The following TENM2 variants were observed in gnomAD, a reference collection of about 807,000 sequenced individuals.
The protein encoded by TENM2 is teneurin transmembrane protein 2.
Under a neutral mutation model 245.2 loss-of-function variants are expected in TENM2, and 52 were observed. The observed-to-expected ratio is 0.21, with a 90% CI of 0.17 to 0.27. TENM2 has a LOEUF of 0.27. Among genes scored for constraint, TENM2 ranks in the 10% least tolerant of loss-of-function variants. The pLI is 1.00. For synonymous variants in TENM2, 1,363 were observed against 1,438.9 expected (o/e 0.95, Z 1.19); for missense variants, 3,046 against 3,666.8 (o/e 0.83, Z 4.37).
intron 13 of TENM2, among the ~76,000 whole-genome samples, chr5:168,177,838 C>A (rs4373298): frequency 0.66 from 99,704 of 152,060 alleles, 33,085 homozygotes; most frequent in East Asian, 0.84. Flanking sequence ...CCTCATCTCT[C>A]AAAATAAATA....
At position 168,147,386 on chromosome 5, in the gene TENM2, G is replaced by A. The variant is rs114527780; in HGVS notation, c.2423-15225G>A. 4.8e-3 allele frequency among the ~76,000 whole-genome samples: 731 copies of A among 152,284 alleles called. 7 individuals carry two copies. The highest frequency in any genetic ancestry group is 0.017 in the African/African-American group (698 of 41,564). Reference sequence around the variant, plus strand: ...ACACAGTAGCATATTTTGCACGGACGTTTAATTTGCTTCACACCACGGCCT... The same window carrying A: ...ACACAGTAGCATATTTTGCACGGACATTTAATTTGCTTCACACCACGGCCT... On this transcript the variant is annotated intron_variant, in intron 12 of 28. Transcript: ENST00000518659.
the TENM2 span, among the ~76,000 whole-genome samples, chr5:167,149,916 G>A: frequency 6.6e-6 from 1 of 152,134 alleles, no homozygotes; most frequent in East Asian, 1.9e-4. Flanking sequence ...CATATCCTCA[G>A]TGCTTGAAGG....
At chr5:167,769,632 A>T (rs2150757038) in intron 2 of TENM2, among the ~76,000 whole-genome samples, 1 of 152,318 alleles carries the variant, frequency 6.6e-6, no homozygotes, top group South Asian at 2.1e-4. Context: ...ATCGTATTCC[A>T]TTCAAAGGTA....
chr5:166,989,418 C>T, the TENM2 span, among the ~76,000 whole-genome samples: 1 of 151,802 alleles, frequency 6.6e-6, no homozygotes, highest in Admixed American at 6.6e-5. Flanking sequence ...CACCATTATG[C>T]CCAGCTAATT....
chr5:167,882,899 G>A (rs1440419593), intron 3 of TENM2, among the ~76,000 whole-genome samples: 1 of 152,134 alleles, frequency 6.6e-6, no homozygotes, highest in African/African-American at 2.4e-5. Context: ...TGGCTTAAAA[G>A]GCCTCTAAGC....
chr5:167,969,995 G>T (rs1313871279), intron 4 of TENM2, among the ~76,000 whole-genome samples: 1 of 152,162 alleles, frequency 6.6e-6, no homozygotes, highest in Non-Finnish European at 1.5e-5. Flanking sequence ...GGGCTGGCAG[G>T]CAAAAGCCAC....
the TENM2 span, among the ~76,000 whole-genome samples, chr5:167,179,354 A>G: frequency 1.3e-5 from 2 of 152,236 alleles, no homozygotes; most frequent in African/African-American, 4.8e-5. Flanking sequence ...GAGAGAAGTA[A>G]AAGACAGATT....
chr5:168,262,843 G>C, exon 29 of TENM2: 1 of 1,543,090 alleles, frequency 6.5e-7, no homozygotes, highest in South Asian at 1.3e-5. Flanking sequence ...TTGTCTGAAT[G>C]GCTCAGCAGG....
exon 1 of TENM2, chr5:167,284,829 T>A (rs1771242954): frequency 3.2e-6 from 5 of 1,547,144 alleles, no homozygotes; most frequent in Non-Finnish European, 4.4e-6. Context: ...TTCTGCCATA[T>A]CTGGAATAAT....
chr5:167,975,532 C>T (rs1405142310), intron 4 of TENM2, among the ~76,000 whole-genome samples: 1 of 151,726 alleles, frequency 6.6e-6, no homozygotes, highest in South Asian at 2.1e-4. Context: ...TACAAACACA[C>T]TTAAATGGCA....
At chr5:168,122,226 G>C (rs966798690) in intron 10 of TENM2, among the ~76,000 whole-genome samples, 16 of 152,206 alleles carry the variant, frequency 1.1e-4, no homozygotes, top group African/African-American at 2.9e-4. Flanking sequence ...ACCCAGGCTG[G>C]GGTGCAGTGG....
intron 1 of TENM2, among the ~76,000 whole-genome samples, chr5:167,353,262 A>G (rs1261899106): frequency 6.7e-6 from 1 of 149,040 alleles, no homozygotes; most frequent in Admixed American, 6.8e-5. Context: ...TAAAAAAGGG[A>G]TAAATGGTGC....
At chr5:167,635,834 C>CG (rs1159900026) in intron 2 of TENM2, among the ~76,000 whole-genome samples, 59 of 151,570 alleles carry the variant, frequency 3.9e-4, no homozygotes, top group Admixed American at 1.8e-3. Context: ...TTAGTAGAGA[C>CG]GGGGTTTCAC....
chr5:167,630,043 C>A (rs1778763052), intron 2 of TENM2, among the ~76,000 whole-genome samples: 1 of 152,036 alleles, frequency 6.6e-6, no homozygotes, highest in Admixed American at 6.6e-5. Context: ...CAGTACCAAA[C>A]CCTATATGTA....
rs562254609 is a variant in TENM2, at chr5:167,591,965, G to C, written c.502+216492G>C. 1.4e-4 allele frequency among the ~76,000 whole-genome samples: 21 copies of C among 152,282 alleles called. No individual in the cohort carries two copies. In the East Asian group the frequency reaches 3.3e-3, roughly 24 times the overall value. ...GTGTAAGCATCAAAATAAAATAGGA[G>C]AACTGGAAAATACAGTGAGGGAGCT... On this transcript the variant is annotated intron_variant, in intron 2 of 28. Coordinates refer to ENST00000518659, the Ensembl canonical transcript of TENM2.
chr5:166,987,744 A>T, the TENM2 span, among the ~76,000 whole-genome samples: 66 of 152,212 alleles, frequency 4.3e-4, 1 homozygote, highest in Middle Eastern at 3.4e-3. Context: ...AAATGACTCC[A>T]TGCCCCCAAG....
At chr5:167,725,196 AG>A (rs1759908356) in intron 2 of TENM2, among the ~76,000 whole-genome samples, 1 of 152,144 alleles carries the variant, frequency 6.6e-6, no homozygotes, top group South Asian at 2.1e-4. Context: ...AATGTGGTCA[AG>A]TGTTTTCCCC....
At chr5:168,102,226 A>C (rs1793878605) in intron 9 of TENM2, among the ~76,000 whole-genome samples, 1 of 152,102 alleles carries the variant, frequency 6.6e-6, no homozygotes, top group Non-Finnish European at 1.5e-5. Context: ...GGCATGTGCC[A>C]CCATGAATGG....
chr5:168,216,871 C>A (rs1351603850), exon 22 of TENM2: 2 of 1,613,872 alleles, frequency 1.2e-6, no homozygotes, highest in Admixed American at 1.7e-5. Context: ...GCTCCAATGA[C>A]CTCACTGCCG....
Sources: gnomAD v4.1 joint callset for allele counts (sites outside exome capture counted in the v4.1 genomes callset) on GRCh38, gnomAD v4.1.1 for gene constraint, MANE v1.5 for transcripts, NCBI Gene and HGNC (gene_info 2026-07-23, HGNC 2026-07-21) for gene names.